Variants in PCDHGA1 observed in about 807,000 individuals in gnomAD.
The protein encoded by PCDHGA1 is protocadherin gamma subfamily A, 1, also known as protocadherin gamma-A1.
A neutral mutation model predicts 58.0 loss-of-function variants in PCDHGA1; 32 were observed. That is an observed-to-expected ratio of 0.55 (90% CI 0.42 to 0.74). PCDHGA1 has a LOEUF of 0.74. Among genes scored for constraint, PCDHGA1 ranks in the 30% least tolerant of loss-of-function variants. The pLI is 0.00. For synonymous variants in PCDHGA1, 498 were observed against 501.1 expected (o/e 0.99, Z 0.08); for missense variants, 1,205 against 1,182.3 (o/e 1.02, Z -0.28).
intron 1 of PCDHGA1, among the ~76,000 whole-genome samples, chr5:141,446,536 GC>G (rs1043723006): frequency 2.0e-5 from 3 of 152,012 alleles, no homozygotes; most frequent in African/African-American, 7.2e-5. Context: ...GAGTGCAGTG[GC>G]CCTATCTCTG....
intron 1 of PCDHGA1, chr5:141,352,364 G>C (rs758290229): frequency 1.9e-6 from 3 of 1,613,988 alleles, no homozygotes; most frequent in Non-Finnish European, 2.5e-6. Flanking sequence ...CTTTCTCCTC[G>C]CGGTGATTCT....
intron 1 of PCDHGA1, chr5:141,420,092 G>A: frequency 1.2e-6 from 2 of 1,614,020 alleles, no homozygotes; most frequent in Non-Finnish European, 1.7e-6. Flanking sequence ...CAACTACAGT[G>A]AGGGAACGTT....
At position 141,398,955 on chromosome 5, in the gene PCDHGA1, A is replaced by T. The variant is rs2093730495; in HGVS notation, c.2421+65850A>T. 1.2e-6 allele frequency: 2 copies of T among 1,613,966 alleles called. No homozygotes were observed. Among genetic ancestry groups the T allele is most frequent in the African/African-American group, 1.3e-5 (1 of 75,040 alleles). On this transcript the variant is annotated intron_variant, in intron 1 of 3. Transcript: ENST00000517417. ...ACCAAGACGAGGGCATCAACTCAGA[A>T]ATTACTTATTCCTTCTACAGAACCG...
chr5:141,356,171 G>A, intron 1 of PCDHGA1: 1 of 1,612,890 alleles, frequency 6.2e-7, no homozygotes, highest in South Asian at 1.1e-5. Context: ...GCCCATGATG[G>A]GCCTGGTCTC....
chr5:141,396,611 C>T (rs1310113508), intron 1 of PCDHGA1: 1 of 150,986 alleles, frequency 6.6e-6, no homozygotes, highest in Non-Finnish European at 1.5e-5. Flanking sequence ...CAGGGTGAGA[C>T]TCCGTCTCAA....
rs2734872 is a variant in PCDHGA1 at position 141,474,454 on chromosome 5, C to T, written c.2422-20353C>T. On this transcript the variant is annotated intron_variant, in intron 1 of 3. Transcript: ENST00000517417. ...ACACTTTGAGTAGCAAGTGATTGGG[C>T]TATACTCTTTATTCTAAATTCTAAA... Among the ~76,000 whole-genome samples, 6 of 152,308 alleles carry T rather than the reference C, an allele frequency of 3.9e-5. No individual in the cohort carries two copies. The East Asian group carries it at 1.2e-3, about 29-fold the overall frequency.
At position 141,489,947 on chromosome 5, in the gene PCDHGA1, A is replaced by G. The variant is rs368977481; in HGVS notation, c.2422-4860A>G. The G allele has an allele frequency of 5.4e-5, 87 of 1,614,090 alleles. No individual in the cohort carries two copies. Among genetic ancestry groups the G allele is most frequent in the South Asian group, 6.6e-5 (6 of 91,094 alleles). ...ATCTCTGTCATCGTGCTGGACATCA[A>G]TGATAATGCTCCAACCTTCCAATCC... On this transcript the variant is annotated intron_variant, in intron 1 of 3. Transcript: ENST00000517417. This position sits in a 1 kb window ranked among gnomAD's most constrained non-coding sequence, Gnocchi z 4.5.
chr5:141,341,653 A>T, intron 1 of PCDHGA1: 1 of 673,492 alleles, frequency 1.5e-6, no homozygotes, highest in Admixed American at 3.3e-5. Flanking sequence ...TGCATTAGGA[A>T]CTAGGGTGTC....
chr5:141,356,775 T>A, intron 1 of PCDHGA1: 1 of 1,613,974 alleles, frequency 6.2e-7, no homozygotes, highest in South Asian at 1.1e-5. Flanking sequence ...ATGAGCAGTT[T>A]AGAGACCTGC....
chr5:141,422,959 C>T, intron 1 of PCDHGA1: 5 of 1,614,234 alleles, frequency 3.1e-6, no homozygotes, highest in African/African-American at 1.3e-5. Flanking sequence ...TGGCGTGGAG[C>T]TGGCGCCCCG....
chr5:141,410,318 G>C, intron 1 of PCDHGA1: 6 of 1,613,982 alleles, frequency 3.7e-6, no homozygotes, highest in Non-Finnish European at 5.1e-6. Context: ...CTTCCTCCTC[G>C]CCGTGATTCT....
chr5:141,441,627 G>C (rs1239011684), intron 1 of PCDHGA1: 1 of 223,512 alleles, frequency 4.5e-6, no homozygotes, highest in Non-Finnish European at 9.0e-6. Context: ...CAGTGACCTG[G>C]AGCCACAGGC....
chr5:141,478,399 T>C, intron 1 of PCDHGA1: 1 of 1,613,514 alleles, frequency 6.2e-7, no homozygotes, highest in South Asian at 1.1e-5. Flanking sequence ...ATCAGGTGTA[T>C]CTCACCACGG....
chr5:141,423,811 T>G, intron 1 of PCDHGA1: 1 of 1,254,642 alleles, frequency 8.0e-7, no homozygotes, highest in Non-Finnish European at 1.0e-6. Flanking sequence ...ACATGTGAGT[T>G]TTACTTTGCC....
intron 1 of PCDHGA1, among the ~76,000 whole-genome samples, chr5:141,381,798 C>CTCTTCCTTTCTT (rs1777449069): frequency 6.9e-6 from 1 of 144,134 alleles, no homozygotes; most frequent in African/African-American, 2.7e-5. Flanking sequence ...AGGCAATTCC[C>CTCTTCCTTTCTT]TCTTTCTTTC....
intron 1 of PCDHGA1, among the ~76,000 whole-genome samples, chr5:141,457,171 T>C (rs1337137368): frequency 3.3e-5 from 5 of 152,216 alleles, no homozygotes; most frequent in Non-Finnish European, 7.3e-5. Flanking sequence ...GATAACCCTA[T>C]TGCAAATAGT....
intron 1 of PCDHGA1, chr5:141,399,111 A>G (rs1561667842): frequency 1.9e-6 from 3 of 1,613,732 alleles, no homozygotes; most frequent in East Asian, 2.2e-5. Context: ...CACAATGTAC[A>G]GTTGAAATTA....
rs73794918 is a variant in PCDHGA1, at chr5:141,443,711, A to G, written c.2422-51096A>G. On this transcript the variant is annotated intron_variant, in intron 1 of 3. Coordinates refer to ENST00000517417, the MANE Select transcript of PCDHGA1 (RefSeq NM_018912.3). ...TCAAAAATTATAGAATAACATTTGC[A>G]TATAAAATTCCTCATACATTTCCCT... 9.8e-3 allele frequency among the ~76,000 whole-genome samples: 1,497 copies of G among 152,340 alleles called. 25 individuals are homozygous for G. Among genetic ancestry groups the G allele is most frequent in the African/African-American group, 0.033 (1,382 of 41,580 alleles).
At chr5:141,355,881 G>T (rs1338727421) in intron 1 of PCDHGA1, 18 of 1,613,360 alleles carry the variant, frequency 1.1e-5, no homozygotes, top group Non-Finnish European at 1.5e-5. Context: ...GCACTGCCAG[G>T]ATTCTCATAA....
Sources: allele counts gnomAD v4.1 joint callset (sites outside exome capture counted in the v4.1 genomes callset), GRCh38; gene constraint gnomAD v4.1.1; non-coding constraint Gnocchi (gnomAD v3.1); transcripts MANE v1.5; gene names NCBI Gene and HGNC (gene_info 2026-07-23, HGNC 2026-07-21).